The following MMEL1 variants were observed in gnomAD, a reference collection of about 807,000 sequenced individuals.
The protein encoded by MMEL1 is membrane metalloendopeptidase like 1.
MMEL1 carries 98 observed loss-of-function variants against 117.1 expected under a neutral mutation model. That is an observed-to-expected ratio of 0.84 (90% CI 0.71 to 0.99). MMEL1 has a LOEUF of 0.99. MMEL1 is among the 50% of genes least tolerant of loss of function. The pLI is 0.00. For missense variants in MMEL1, 1,014 were observed against 1,049.1 expected (o/e 0.97, Z 0.46); for synonymous variants, 390 against 415.1 (o/e 0.94, Z 0.74).
At chr1:2,596,163 G>T in intron 14 of MMEL1, 56 bp from the exon 15 acceptor site, 3 of 1,500,664 alleles carry the variant, frequency 2.0e-6, no homozygotes, top group African/African-American at 1.4e-5. Context: ...CGAATGACCA[G>T]CCTCAAGGGC....
chr1:2,625,020 G>A (rs1645347631), intron 2 of MMEL1, among the ~76,000 whole-genome samples: 1 of 152,086 alleles, frequency 6.6e-6, no homozygotes, highest in Non-Finnish European at 1.5e-5. Context: ...ACTGCAAGAG[G>A]GAAATCCACT....
chr1:2,616,815 C>T (rs1645208461), intron 2 of MMEL1, among the ~76,000 whole-genome samples: 1 of 152,202 alleles, frequency 6.6e-6, no homozygotes. Context: ...GTTCATGCCT[C>T]CTTCATGCCT....
At position 2,596,826 on chromosome 1, in the gene MMEL1, A is replaced by G. The variant is rs920426085; in HGVS notation, c.1273-137T>C. The stretch of plus-strand genomic sequence containing the variant: ...GCCCCGGGGCTAGCGGGGGCACGGG[A>G]TGATCTCAGCCTCACCTCTGGGTGC... On this transcript the variant is annotated intron_variant, in intron 13 of 23. Transcript: ENST00000378412. 7 of 958,944 alleles carry G rather than the reference A, an allele frequency of 7.3e-6. No homozygotes were observed. In the African/African-American group the frequency reaches 1.1e-4, roughly 16 times the overall value. 59.4% of individuals were successfully genotyped at this position (958,944 alleles called of 1,614,324 possible).
chr1:2,620,949 C>A (rs1478020332), intron 2 of MMEL1, among the ~76,000 whole-genome samples: 1 of 152,128 alleles, frequency 6.6e-6, no homozygotes. Flanking sequence ...ATTATACCCT[C>A]TTCCCATTGG....
chr1:2,618,814 T>C (rs1645244492), intron 2 of MMEL1, among the ~76,000 whole-genome samples: 1 of 152,164 alleles, frequency 6.6e-6, no homozygotes, highest in African/African-American at 2.4e-5. Flanking sequence ...AAGAAAATCT[T>C]ACATTAGTGA....
At chr1:2,608,998 G>A (rs1645080462) in intron 6 of MMEL1, among the ~76,000 whole-genome samples, 1 of 148,282 alleles carries the variant, frequency 6.7e-6, no homozygotes, top group Admixed American at 6.7e-5. Flanking sequence ...TGTATAATAT[G>A]CATGCACATA....
intron 9 of MMEL1, among the ~76,000 whole-genome samples, chr1:2,604,652 G>A (rs1202823204): frequency 2.0e-5 from 3 of 152,012 alleles, no homozygotes; most frequent in Non-Finnish European, 4.4e-5. Flanking sequence ...TGGGTGCCGG[G>A]GTGGTGGGTG....
intron 18 of MMEL1, 139 bp downstream of exon 18, chr1:2,594,246 A>G: frequency 1.0e-6 from 1 of 998,358 alleles, no homozygotes; most frequent in South Asian, 1.5e-5. Context: ...CCACGGGGGC[A>G]GCAAGGGGTG....
At chr1:2,604,540 T>C (rs1028233149) in intron 9 of MMEL1, among the ~76,000 whole-genome samples, 4 of 152,158 alleles carry the variant, frequency 2.6e-5, no homozygotes, top group African/African-American at 7.2e-5. Context: ...CTATAAGGGT[T>C]TGCACAGGTG....
intron 1 of MMEL1, among the ~76,000 whole-genome samples, chr1:2,630,501 C>T (rs755076562): frequency 6.6e-6 from 1 of 151,158 alleles, no homozygotes; most frequent in Non-Finnish European, 1.5e-5. Flanking sequence ...TGTGCGTGTG[C>T]TCTCGTGTGT....
At chr1:2,627,041 T>C (rs539061034) in intron 2 of MMEL1, among the ~76,000 whole-genome samples, 1 of 152,142 alleles carries the variant, frequency 6.6e-6, no homozygotes, top group South Asian at 2.1e-4. Context: ...AGAAAAAGAA[T>C]GGAAAAAATA....
intron 13 of MMEL1, among the ~76,000 whole-genome samples, 164 bp downstream of exon 13, chr1:2,598,043 G>A (rs1046917697): frequency 3.3e-5 from 5 of 152,256 alleles, no homozygotes; most frequent in Non-Finnish European, 7.3e-5. Context: ...GTTCTGCCTT[G>A]TTGACTGTCA....
Position 2,595,930 on chromosome 1 carries a change from C to T in MMEL1, c.1500+79G>A, listed in dbSNP as rs950366833. 41 of 1,282,148 alleles carry T rather than the reference C, an allele frequency of 3.2e-5. No individual in the cohort carries two copies. The East Asian group carries it at 8.1e-4, about 25-fold the overall frequency. The allele number at this position is 1,282,148 out of a possible 1,614,324, so 79.4% of individuals were successfully genotyped here. A position where few individuals can be genotyped will look rare whatever the true frequency, so the allele number is the denominator to read the frequency against. ...GGGGCTGCCTTCTCCCCGTGGGGAC[C>T]GTCAGGAGGCTTTGTCGGGGCGGTG... On this transcript the variant is annotated intron_variant, in intron 15 of 23. Transcript: ENST00000378412. The surrounding 1 kb of genome is among the most constrained non-coding windows in gnomAD (Gnocchi z 4.8).
chr1:2,596,536 T>C, intron 14 of MMEL1, 25 bp downstream of exon 14: 1 of 1,602,990 alleles, frequency 6.2e-7, no homozygotes, highest in Non-Finnish European at 8.5e-7. Context: ...TGGCCCCGCG[T>C]GGGCCATGGA....
In MMEL1 at chr1:2,629,539, G is replaced by A. The variant is rs1638445869; in HGVS notation, c.-37-18C>T. The stretch of plus-strand genomic sequence containing the variant: ...GGAGGAACCTGCAGGCCCAGGGCAG[G>A]GGAGAGGGGAGAGGGGCGTGGAGCT... On this transcript the variant is annotated intron_variant, in intron 1 of 23. Transcript: ENST00000378412. The A allele has an allele frequency of 7.2e-7, 1 of 1,395,836 alleles. No homozygotes were observed. The highest frequency in any genetic ancestry group is 9.3e-7 in the Non-Finnish European group (1 of 1,076,650). 86.5% of individuals were successfully genotyped at this position (1,395,836 alleles called of 1,614,324 possible). A position where few individuals can be genotyped will look rare whatever the true frequency, so the allele number is the denominator to read the frequency against.
At chr1:2,609,206 T>C in intron 6 of MMEL1, 133 bp downstream of exon 6, 1 of 828,236 alleles carries the variant, frequency 1.2e-6, no homozygotes, top group Non-Finnish European at 1.9e-6. Flanking sequence ...ACATAGACCC[T>C]CTGGCATGAG....
intron 8 of MMEL1, 34 bp downstream of exon 8, chr1:2,606,214 C>G (rs755884733): frequency 6.4e-7 from 1 of 1,568,562 alleles, no homozygotes; most frequent in Non-Finnish European, 8.8e-7. Flanking sequence ...GCTTGGGGAC[C>G]CTGCCTACCC....
chr1:2,608,838 A>G (rs142072152), intron 6 of MMEL1, among the ~76,000 whole-genome samples: 1 of 152,274 alleles, frequency 6.6e-6, no homozygotes, highest in East Asian at 1.9e-4. Context: ...ATACATGCAT[A>G]CACAACACAT....
chr1:2,591,882 A>C (rs1336341998), intron 22 of MMEL1, 50 bp downstream of exon 22: 1 of 1,562,946 alleles, frequency 6.4e-7, no homozygotes, highest in Non-Finnish European at 8.8e-7. Flanking sequence ...GGCCCTCCAG[A>C]GATGAGTGGG....
Sources: gnomAD v4.1 joint callset for allele counts (sites outside exome capture counted in the v4.1 genomes callset) on GRCh38, gnomAD v4.1.1 for gene constraint, Gnocchi (gnomAD v3.1) non-coding constraint, MANE v1.5 for transcripts, NCBI Gene and HGNC (gene_info 2026-07-23, HGNC 2026-07-21) for gene names.